TCOF1: variants seen among roughly 807,000 people sequenced by gnomAD.
TCOF1 encodes treacle protein.
TCOF1 carries 33 observed loss-of-function variants against 149.0 expected under a neutral mutation model. The observed-to-expected ratio is 0.22, with a 90% CI of 0.17 to 0.30. The LOEUF is 0.30. Among genes scored for constraint, TCOF1 ranks in the 10% least tolerant of loss-of-function variants. TCOF1 has a pLI of 1.00. For synonymous variants in TCOF1, 789 were observed against 738.8 expected (o/e 1.07, Z -1.10); for missense variants, 1,728 against 1,840.7 (o/e 0.94, Z 1.12).
Position 150,379,008 on chromosome 5 carries a change from C to T in TCOF1, c.2444C>T (p.Ala815Val), listed in dbSNP as rs1373678912. ...TCAGCCCCTGGAAAAGTTGTCACTG[C>T]AGCTGCTCAAGCCAAGCAGAGGTCT... ...TISAPGKVVT[A>V]AAQAKQRSPS... Residue 815 changes from alanine (A) to valine (V), a missense_variant, in exon 15 of 27, where the codon GCA (alanine) becomes GTA (valine). By Grantham distance (64) the Ala-to-Val change is moderately conservative (BLOSUM62 0). This residue lies in a region of TCOF1 where 1,696 missense variants were observed against 1,765.4 expected (regional missense o/e 0.96). Coordinates refer to ENST00000643257, the MANE Select transcript of TCOF1 (RefSeq NM_001371623.1). 2.5e-6 allele frequency: 4 copies of T among 1,613,958 alleles called. No homozygotes were observed. The highest frequency in any genetic ancestry group is 2.2e-5 in the South Asian group (2 of 91,084).
intron 6 of TCOF1, among the ~76,000 whole-genome samples, chr5:150,369,818 G>A (rs573040695): frequency 1.0e-3 from 154 of 152,258 alleles, no homozygotes; most frequent in Non-Finnish European, 4.1e-4. Flanking sequence ...GGGCAGGAGA[G>A]GGACACCCTC....
At chr5:150,385,085 ATAACT>A (rs771627248) in intron 17 of TCOF1, 74 of 985,248 alleles carry the variant, frequency 7.5e-5, no homozygotes, top group Admixed American at 2.5e-4. Flanking sequence ...CATATGTTAA[ATAACT>A]TAATTTAGCT....
chr5:150,381,432 T>C (rs912005222), intron 17 of TCOF1, among the ~76,000 whole-genome samples: 4 of 152,180 alleles, frequency 2.6e-5, no homozygotes, highest in Non-Finnish European at 4.4e-5. Flanking sequence ...AGAGCAGGTC[T>C]CTGAGAGGCC....
At position 150,374,763 on chromosome 5, in the gene TCOF1, G is replaced by T. The variant is rs774138891; in HGVS notation, c.1230G>T (p.Ser410=). ...KAQAGKREED[S]QSSSEESDSE... ...AGGCGGGGAAGCGGGAGGAGGACTC[G>T]CAGAGCAGCAGCGAGGAATCGGACA... The change falls in exon 9 of 27, where the codon TCG becomes TCT. Residue 410 remains serine (S), a synonymous_variant. Transcript: ENST00000643257. The T allele has an allele frequency of 6.2e-7, 1 of 1,604,780 alleles. No homozygotes were observed. Among genetic ancestry groups the T allele is most frequent in the East Asian group, 2.3e-5 (1 of 44,362 alleles).
chr5:150,389,098 C>T (rs1766870480), intron 18 of TCOF1, among the ~76,000 whole-genome samples: 1 of 152,176 alleles, frequency 6.6e-6, no homozygotes, highest in South Asian at 2.1e-4. Flanking sequence ...TACCTACATA[C>T]ATATGTACAT....
At position 150,362,119 on chromosome 5, in the gene TCOF1, T is replaced by C. The variant is rs112853408; in HGVS notation, c.164+908T>C. On this transcript the variant is annotated intron_variant, in intron 2 of 26. Transcript: ENST00000643257. ...CTGTGGATGGGTGGGAGAGGAAGTA[T>C]CTTATTGACTCCACATCTAACTTGT... is the stretch of plus-strand genomic sequence containing the variant. Among the ~76,000 whole-genome samples, 638 of 152,180 alleles carry C rather than the reference T, an allele frequency of 4.2e-3. 5 individuals are homozygous for C. The highest frequency in any genetic ancestry group is 0.014 in the African/African-American group (583 of 41,506).
chr5:150,395,826 G>A lies in TCOF1; in HGVS notation c.3785-456G>A, dbSNP rs374534061. 1.4e-4 allele frequency among the ~76,000 whole-genome samples: 22 copies of A among 152,200 alleles called. No homozygotes were observed. The East Asian group carries it at 1.7e-3, about 12-fold the overall frequency. On this transcript the variant is annotated intron_variant, in intron 23 of 26. Transcript: ENST00000643257. ...GCCTTACTGTTCATCCACCCCTCAC[G>A]TTATAGACAGGGAAACCAAGGCCCT...
intron 18 of TCOF1, 118 bp downstream of exon 18, chr5:150,388,206 G>A (rs1581186388): frequency 7.2e-7 from 1 of 1,391,636 alleles, no homozygotes. Context: ...GGAGGGGCTT[G>A]GGGTCAGGTC....
intron 17 of TCOF1, chr5:150,383,840 A>C: frequency 5.2e-6 from 8 of 1,551,282 alleles, no homozygotes; most frequent in Non-Finnish European, 7.0e-6. Flanking sequence ...CTTAAGCCAC[A>C]GTCCTGCTCA....
intron 23 of TCOF1, chr5:150,394,648 G>A (rs943385320): frequency 1.3e-5 from 2 of 152,258 alleles, no homozygotes; most frequent in African/African-American, 4.8e-5. Flanking sequence ...CTGGCGCAGT[G>A]GCTCGTGCCT....
chr5:150,378,575 A>T (rs1347969734), intron 14 of TCOF1: 3 of 324,054 alleles, frequency 9.3e-6, no homozygotes, highest in Non-Finnish European at 1.7e-5. Flanking sequence ...CCTGGAAAAC[A>T]TCTGTTTTAG....
chr5:150,391,280 G>C (rs1232884518), intron 19 of TCOF1, among the ~76,000 whole-genome samples: 1 of 152,246 alleles, frequency 6.6e-6, no homozygotes, highest in African/African-American at 2.4e-5. Context: ...GGGTCCACCA[G>C]GTTGGAGATT....
chr5:150,391,724 G>A (rs780257725), intron 20 of TCOF1, 67 bp downstream of exon 20: 16 of 1,431,750 alleles, frequency 1.1e-5, no homozygotes, highest in African/African-American at 2.8e-5. Context: ...GCCCTGCATC[G>A]CGGCACCAGC....
At position 150,364,164 on chromosome 5, in the gene TCOF1, A is replaced by G. The variant is rs777649173; in HGVS notation, c.216A>G (p.Gln72=). The G allele has an allele frequency of 3.9e-5, 63 of 1,614,058 alleles. No homozygotes were observed. In the East Asian group the frequency reaches 1.4e-3, roughly 36 times the overall value. ...AGGCAGAGGAAGATGCGGCACTGCA[A>G]GCTAAGAAAACCCGTGTGTCAGACC... ...KRKAEEDAAL[Q]AKKTRVSDPI... is the part of the protein sequence containing the mutation. The change falls in exon 3 of 27, where the codon CAA becomes CAG. Residue 72 remains glutamine (Q), a synonymous_variant. Coordinates refer to ENST00000643257, the MANE Select transcript of TCOF1 (RefSeq NM_001371623.1).
intron 23 of TCOF1, 196 bp downstream of exon 23, chr5:150,393,748 T>A: frequency 1.4e-6 from 1 of 719,888 alleles, no homozygotes; most frequent in Admixed American, 2.5e-5. Flanking sequence ...GTGCAGTGGC[T>A]CATGCCCATA....
rs747547926 is a variant in TCOF1 at position 150,379,259 on chromosome 5, A to C, written c.2509A>C (p.Ser837Arg). The C allele has an allele frequency of 1.2e-6, 2 of 1,614,214 alleles. No homozygotes were observed. The highest frequency in any genetic ancestry group is 1.7e-6 in the Non-Finnish European group (2 of 1,180,030). The change falls in exon 16 of 27, where the codon AGT becomes CGT. Residue 837 changes from serine to arginine, a missense_variant. Ser to Arg is a moderately radical substitution (Grantham distance 110). Transcript: ENST00000643257. ...GCCACCAGTGAGAAACCCCCAGAAC[A>C]GTACCGTCTTGGCGAGGGGCCCAGC... ...VKPPVRNPQN[S>R]TVLARGPASV...
rs528897827 is a variant in TCOF1 at position 150,372,182 on chromosome 5, TAGTGAGGAGGGATCTGAA to T, written c.827_844del (p.Gly276_Glu281del). 5,846 of 1,612,938 alleles carry T rather than the reference TAGTGAGGAGGGATCTGAA, an allele frequency of 3.6e-3. 23 individuals carry two copies. The highest frequency in any genetic ancestry group is 4.4e-3 in the Non-Finnish European group (5,197 of 1,179,658). On this transcript the variant is annotated inframe_deletion, in exon 7 of 27. Coordinates refer to ENST00000643257, the MANE Select transcript of TCOF1 (RefSeq NM_001371623.1). The stretch of plus-strand genomic sequence containing the variant: ...AGAAGCCAGAAGAGGAGTCAGAGAG[TAGTGAGGAGGGATCTGAA>T]AGTGAGGAGGAGGCCCCTGCAGGGA...
At position 150,374,188 on chromosome 5, in the gene TCOF1, A is replaced by G; in HGVS notation, c.885A>G (p.Glu295=). 1 of 1,612,300 alleles carries G rather than the reference A, an allele frequency of 6.2e-7. No individual in the cohort carries two copies. The highest frequency in any genetic ancestry group is 8.5e-7 in the Non-Finnish European group (1 of 1,179,504). The change falls in exon 8 of 27, where the codon GAA becomes GAG. Residue 295 remains glutamate (E), a synonymous_variant. Transcript: ENST00000643257. The part of the protein sequence containing the change: ...AGTRSQVKAS[E]KILQVRAASA... ...TTTTTCACCAGGTAAAGGCCTCTGA[A>G]AAAATTCTCCAGGTCAGAGCTGCCT...
chr5:150,376,671 A>G (rs770107528), intron 14 of TCOF1, 51 bp downstream of exon 14: 9 of 1,533,836 alleles, frequency 5.9e-6, no homozygotes, highest in Non-Finnish European at 7.9e-6. Context: ...TTCCTGAGCC[A>G]GGGCTGAGGA....
Sources: gnomAD v4.1 joint callset for allele counts (sites outside exome capture counted in the v4.1 genomes callset) on GRCh38, gnomAD v4.1.1 for gene constraint, gnomAD v4.1.1 regional missense constraint, MANE v1.5 for transcripts, NCBI Gene and HGNC (gene_info 2026-07-23, HGNC 2026-07-21) for gene names.